The following RNF38 variants were observed in gnomAD, a reference collection of about 807,000 sequenced individuals.
RNF38 encodes the protein E3 ubiquitin-protein ligase RNF38.
RNF38 carries 15 observed loss-of-function variants against 67.2 expected under a neutral mutation model. The ratio of observed to expected loss-of-function variants is 0.22; its 90% CI spans 0.15 to 0.34. RNF38 has a LOEUF of 0.34. RNF38 is among the 10% of genes least tolerant of loss of function. The probability of loss-of-function intolerance (pLI) is 1.00; values close to 1 mark genes in which losing one functional copy is unlikely to be tolerated. For missense variants in RNF38, 524 were observed against 639.9 expected, an observed-to-expected ratio of 0.82 and a Z score of 1.95; for synonymous variants, 220 against 218.8, an observed-to-expected ratio of 1.01 and a Z score of -0.05.
intron 2 of RNF38, 109 bp downstream of exon 2, chr9:36,390,358 C>T (rs1836983650): frequency 1.1e-6 from 1 of 910,888 alleles, no homozygotes; most frequent in Non-Finnish European, 1.6e-6. Flanking sequence ...TTTCCACATA[C>T]AACAGAAAAC....
At chr9:36,354,262 G>A (rs180701602) in intron 6 of RNF38, among the ~76,000 whole-genome samples, 96 of 152,162 alleles carry the variant, frequency 6.3e-4, no homozygotes, top group Non-Finnish European at 4.4e-5. Context: ...GCGCCATCTT[G>A]GCTCACTGCA....
intron 1 of RNF38, among the ~76,000 whole-genome samples, chr9:36,434,330 A>G: frequency 3.0e-5 from 1 of 32,884 alleles, no homozygotes; most frequent in Non-Finnish European, 5.7e-5. Context: ...GGATGGGGGA[A>G]GGAGGAGGGG....
At chr9:36,354,582 T>C (rs1833954342) in intron 6 of RNF38, among the ~76,000 whole-genome samples, 1 of 152,242 alleles carries the variant, frequency 6.6e-6, no homozygotes, top group African/African-American at 2.4e-5. Context: ...GGCTCATCTG[T>C]TTCGCAGACT....
chr9:36,392,458 C>G (rs1257510188), intron 1 of RNF38, among the ~76,000 whole-genome samples: 1 of 152,078 alleles, frequency 6.6e-6, no homozygotes, highest in African/African-American at 2.4e-5. Context: ...AGAGACAGGC[C>G]AAATGCAGTG....
At position 36,363,608 on chromosome 9, in the gene RNF38, C is replaced by T. The variant is rs1466731221; in HGVS notation, c.571-5666G>A. On this transcript the variant is annotated intron_variant, in intron 4 of 11. Transcript: ENST00000259605. ...GTATATATACTCATGCGTGGCTTAA[C>T]GATGGAGATACATTCTGAGAAATGT... 2.0e-5 allele frequency among the ~76,000 whole-genome samples: 2 copies of T among 100,188 alleles called. 1 individual carries two copies. The highest frequency in any genetic ancestry group is 6.0e-5 in the African/African-American group (2 of 33,366). The allele number at this position is 100,188 out of a possible 152,430, so 65.7% of individuals were successfully genotyped here. A position where few individuals can be genotyped will look rare whatever the true frequency, so the allele number is the denominator to read the frequency against.
Position 36,353,257 on chromosome 9 carries a change from T to C in RNF38, c.984A>G (p.Pro328=). 6.2e-7 allele frequency: 1 copy of C among 1,613,240 alleles called. No homozygotes were observed. The highest frequency in any genetic ancestry group is 8.5e-7 in the Non-Finnish European group (1 of 1,179,444). Residue 328 remains proline, a synonymous_variant, in exon 7 of 12, where the codon CCA becomes CCG. Coordinates refer to ENST00000259605, the MANE Select transcript of RNF38 (RefSeq NM_022781.5). ...GAGGTAATGTTGGGGGGTGGGCTGA[T>C]GGAGGGTAAGTAAAACCTCCTACTG... ...HLPVGGFTYP[P]SAHPPTLPPS...
At chr9:36,372,972 G>A (rs1417761306) in intron 3 of RNF38, among the ~76,000 whole-genome samples, 6 of 152,172 alleles carry the variant, frequency 3.9e-5, no homozygotes, top group African/African-American at 7.2e-5. Flanking sequence ...TTGGGAGGCC[G>A]AGGTGGATGG....
At chr9:36,364,079 T>C (rs79094575) in intron 4 of RNF38, among the ~76,000 whole-genome samples, 16,401 of 61,758 alleles carry the variant, frequency 0.27, 3,024 homozygotes, top group Non-Finnish European at 0.39. Flanking sequence ...ATCTGCCCAC[T>C]TCAGCCTCCC....
rs186012601 is a variant in RNF38 at position 36,433,389 on chromosome 9, C to T, written n.242-8706G>A. ...TGTATCAAAATATCTCATGTACCCC[C>T]ATAAATATATACACCTACTAGGTAC... On this transcript the variant is annotated intron_variant and non_coding_transcript_variant, in intron 1 of 3. Transcript: ENST00000488058. Among the ~76,000 whole-genome samples the T allele has an allele frequency of 6.6e-5, 10 of 151,720 alleles. No homozygotes were observed. The East Asian group carries it at 1.7e-3, about 26-fold the overall frequency.
At chr9:36,479,322 G>T (rs1040232708) in intron 1 of RNF38, among the ~76,000 whole-genome samples, 24 of 152,214 alleles carry the variant, frequency 1.6e-4, no homozygotes, top group Admixed American at 2.6e-4. Flanking sequence ...AGGCTCCACA[G>T]AAAAGAGTGG....
At chr9:36,378,554 T>C (rs1457254848) in intron 2 of RNF38, among the ~76,000 whole-genome samples, 1 of 152,190 alleles carries the variant, frequency 6.6e-6, no homozygotes, top group African/African-American at 2.4e-5. Flanking sequence ...ACATTGTATA[T>C]CCTACTCTGA....
Position 36,395,339 on chromosome 9 carries a change from T to TC in RNF38, c.13-4724dup, listed in dbSNP as rs1442248907. On this transcript the variant is annotated intron_variant, in intron 1 of 11. Coordinates refer to ENST00000259605, the MANE Select transcript of RNF38 (RefSeq NM_022781.5). ...CTTCGTTCATTTCCTTTTTTTTTTT[T>TC]CTCCAGTAAAAGTGAGAGAGAGGAT... 5.9e-5 allele frequency among the ~76,000 whole-genome samples: 9 copies of TC among 152,200 alleles called. No individual in the cohort carries two copies. In the East Asian group the frequency reaches 1.3e-3, roughly 23 times the overall value.
rs1838756819 is a variant in RNF38 at position 36,425,880 on chromosome 9, T to C, written n.242-1197A>G. ...GCCCAGTTAATTTTTGTATTTTTAG[T>C]AGAGACGGGGTTTCGCCATGTTGGT... On this transcript the variant is annotated intron_variant and non_coding_transcript_variant, in intron 1 of 3. Coordinates refer to the RNF38 transcript ENST00000488058. Among the ~76,000 whole-genome samples, 2 of 152,202 alleles carry C rather than the reference T, an allele frequency of 1.3e-5. 1 individual carries two copies. Among genetic ancestry groups the C allele is most frequent in the South Asian group, 4.1e-4 (2 of 4,828 alleles).
intron 4 of RNF38, 59 bp downstream of exon 4, chr9:36,369,660 A>C (rs150565142): frequency 2.9e-6 from 4 of 1,397,358 alleles, no homozygotes; most frequent in Middle Eastern, 4.1e-4. Flanking sequence ...AAAAAAAAAA[A>C]ATCTCAAACT....
At chr9:36,400,840 G>A (rs1837967442), upstream of RNF38, 10 of 862,074 alleles carry the variant, frequency 1.2e-5, no homozygotes, top group Non-Finnish European at 1.4e-5. Flanking sequence ...CGCCCCAACC[G>A]ACCGGGCCTC....
intron 2 of RNF38, among the ~76,000 whole-genome samples, chr9:36,388,779 AAAG>A (rs1254224313): frequency 6.6e-6 from 1 of 152,206 alleles, no homozygotes; most frequent in African/African-American, 2.4e-5. Flanking sequence ...ATTATTCTAA[AAAG>A]AAGGAAAAGT....
At chr9:36,426,119 A>G (rs1212397901) in intron 1 of RNF38, among the ~76,000 whole-genome samples, 3 of 152,248 alleles carry the variant, frequency 2.0e-5, no homozygotes, top group Non-Finnish European at 4.4e-5. Context: ...ATACTTCCAG[A>G]TATGTAGAGC....
At chr9:36,477,685 T>C (rs919389721) in intron 1 of RNF38, among the ~76,000 whole-genome samples, 5 of 149,990 alleles carry the variant, frequency 3.3e-5, no homozygotes, top group African/African-American at 1.2e-4. Context: ...TAGCCGGGCG[T>C]GGTGGGGGGC....
intron 1 of RNF38, among the ~76,000 whole-genome samples, chr9:36,455,664 A>G (rs1221860053): frequency 6.6e-6 from 1 of 151,732 alleles, no homozygotes; most frequent in Non-Finnish European, 1.5e-5. Context: ...GCTAGTTGGG[A>G]GGCTGAGGCA....
Sources: gnomAD v4.1 joint callset for allele counts (sites outside exome capture counted in the v4.1 genomes callset) on GRCh38, gnomAD v4.1.1 for gene constraint, MANE v1.5 for transcripts, NCBI Gene and HGNC (gene_info 2026-07-23, HGNC 2026-07-21) for gene names.